Variants in SCRG1 observed in about 807,000 individuals in gnomAD.
SCRG1 encodes the protein scrapie-responsive protein 1.
A neutral mutation model predicts 7.7 loss-of-function variants in SCRG1; 3 were observed. That is an observed-to-expected ratio of 0.39 (90% CI 0.18 to 1.01). The LOEUF is 1.01. Ranked by LOEUF, SCRG1 falls within the 50% of genes least tolerant of loss-of-function variation. The pLI, the probability that SCRG1 is intolerant of heterozygous loss-of-function variation, is 0.36. For synonymous variants in SCRG1, 46 were observed against 41.2 expected, an observed-to-expected ratio of 1.12 and a Z score of -0.44; for missense variants, 110 against 117.2, an observed-to-expected ratio of 0.94 and a Z score of 0.28.
rs781239661 is a variant in SCRG1, at chr4:173,394,050, TG to T, written c.-14-2623del. Among the ~76,000 whole-genome samples the T allele has an allele frequency of 2.0e-5, 3 of 152,224 alleles. No homozygotes were observed. In the East Asian group the frequency reaches 5.8e-4, roughly 29 times the overall value. On this transcript the variant is annotated intron_variant, in intron 1 of 2. Transcript: ENST00000296506. ...TTGTAGAAATCATATAGTTATATAT[TG>T]TTTTTTTTTCTTTCTGCTACCCTAA...
chr4:173,432,859 C>T, the SCRG1 span, among the ~76,000 whole-genome samples: 6 of 152,162 alleles, frequency 3.9e-5, no homozygotes, highest in African/African-American at 9.7e-5. Context: ...TACAGATTCA[C>T]GTAACACTAC....
At chr4:173,476,363 A>T in the SCRG1 span, among the ~76,000 whole-genome samples, 17,009 of 98,348 alleles carry the variant, frequency 0.17, 2,098 homozygotes, top group African/African-American at 0.24. Flanking sequence ...GGAAAAAAAA[A>T]ATATATATAT....
the SCRG1 span, among the ~76,000 whole-genome samples, chr4:173,448,791 C>T: frequency 1.3e-5 from 2 of 152,142 alleles, no homozygotes; most frequent in Non-Finnish European, 2.9e-5. Context: ...TAAATATGCA[C>T]AGCTGCTCTG....
chr4:173,430,982 C>A, the SCRG1 span, among the ~76,000 whole-genome samples: 1 of 151,974 alleles, frequency 6.6e-6, no homozygotes, highest in South Asian at 2.1e-4. Flanking sequence ...TCCAAAAGGG[C>A]AAGATTTGAA....
the SCRG1 span, among the ~76,000 whole-genome samples, chr4:173,515,143 G>C: frequency 1.2e-4 from 19 of 152,284 alleles, no homozygotes; most frequent in African/African-American, 4.1e-4. The surrounding 1 kb of genome is among the most constrained non-coding windows in gnomAD (Gnocchi z 4.6). Flanking sequence ...GAAGGAAATG[G>C]AAGGGAGTTG....
At chr4:173,512,063 C>T in the SCRG1 span, among the ~76,000 whole-genome samples, 1 of 152,208 alleles carries the variant, frequency 6.6e-6, no homozygotes. Flanking sequence ...ATGGTAAAAT[C>T]GTCCAAGAGG....
the SCRG1 span, among the ~76,000 whole-genome samples, chr4:173,509,323 TA>T: frequency 1.3e-5 from 2 of 152,094 alleles, no homozygotes. This position sits in a 1 kb window ranked among gnomAD's most constrained non-coding sequence, Gnocchi z 5.7. Flanking sequence ...TCTGCCTGAA[TA>T]AAGCCCTCGC....
chr4:173,440,896 G>A, the SCRG1 span, among the ~76,000 whole-genome samples: 1 of 152,122 alleles, frequency 6.6e-6, no homozygotes, highest in African/African-American at 2.4e-5. Context: ...TCTTCTGTGT[G>A]TGTCCAAATT....
the SCRG1 span, among the ~76,000 whole-genome samples, chr4:173,474,168 C>T: frequency 6.6e-6 from 1 of 151,620 alleles, no homozygotes; most frequent in Non-Finnish European, 1.5e-5. Context: ...GAGTTTCCAT[C>T]TCAAGAAAAA....
At chr4:173,508,583 C>T in the SCRG1 span, among the ~76,000 whole-genome samples, 1 of 152,172 alleles carries the variant, frequency 6.6e-6, no homozygotes, top group African/African-American at 2.4e-5. This position sits in a 1 kb window ranked among gnomAD's most constrained non-coding sequence, Gnocchi z 4.4. Context: ...CCAGCCACCG[C>T]GGTAGGTGGG....
the SCRG1 span, among the ~76,000 whole-genome samples, chr4:173,509,190 C>T: frequency 6.6e-6 from 1 of 152,174 alleles, no homozygotes; most frequent in African/African-American, 2.4e-5. This position sits in a 1 kb window ranked among gnomAD's most constrained non-coding sequence, Gnocchi z 5.7. Flanking sequence ...ATCAAAGCTC[C>T]AGGGCCTACT....
At chr4:173,476,363 A>AATATATATATATATATATATATAT in the SCRG1 span, among the ~76,000 whole-genome samples, 4 of 98,414 alleles carry the variant, frequency 4.1e-5, no homozygotes, top group African/African-American at 9.3e-5. Context: ...GGAAAAAAAA[A>AATATATATATATATATATATATAT]ATATATATAT....
the SCRG1 span, among the ~76,000 whole-genome samples, chr4:173,485,102 T>TAA: frequency 1.5e-4 from 2 of 13,574 alleles, no homozygotes; most frequent in African/African-American, 6.7e-4. Flanking sequence ...ATATTATATA[T>TAA]TATATATTAT....
the SCRG1 span, among the ~76,000 whole-genome samples, chr4:173,459,339 C>T: frequency 7.1e-3 from 1,087 of 152,280 alleles, 11 homozygotes; most frequent in Non-Finnish European, 0.011. Flanking sequence ...GAAACATTCT[C>T]CAGGATAGAC....
the SCRG1 span, among the ~76,000 whole-genome samples, chr4:173,517,910 G>T: frequency 1.3e-5 from 2 of 152,244 alleles, no homozygotes; most frequent in Non-Finnish European, 2.9e-5. Context: ...GAGCGAGAGC[G>T]AGTGAGGAGC....
upstream of SCRG1, among the ~76,000 whole-genome samples, chr4:173,400,950 C>T (rs1296403775): frequency 6.6e-6 from 1 of 152,050 alleles, no homozygotes; most frequent in African/African-American, 2.4e-5. Context: ...AAGAGGTAGC[C>T]AAAGAAGTAG....
the SCRG1 span, among the ~76,000 whole-genome samples, chr4:173,465,413 G>T: frequency 6.6e-6 from 1 of 152,048 alleles, no homozygotes; most frequent in Non-Finnish European, 1.5e-5. Flanking sequence ...TAAATAAATT[G>T]TAGTATACAA....
the SCRG1 span, among the ~76,000 whole-genome samples, chr4:173,470,458 G>A: frequency 6.6e-6 from 1 of 152,164 alleles, no homozygotes; most frequent in Non-Finnish European, 1.5e-5. Flanking sequence ...TGGTTGCTGA[G>A]TACATGGTTA....
At chr4:173,484,683 T>TATATTATATATTATATGTATATAATAC in the SCRG1 span, among the ~76,000 whole-genome samples, 4 of 50,062 alleles carry the variant, frequency 8.0e-5, no homozygotes, top group Non-Finnish European at 1.1e-4. Context: ...ATGTATAATA[T>TATATTATATATTATATGTATATAATAC]ATATTATATA....
Sources: allele counts gnomAD v4.1 joint callset (sites outside exome capture counted in the v4.1 genomes callset), GRCh38; gene constraint gnomAD v4.1.1; non-coding constraint Gnocchi (gnomAD v3.1); transcripts MANE v1.5; gene names NCBI Gene and HGNC (gene_info 2026-07-23, HGNC 2026-07-21).